The following NDST3 variants were observed in gnomAD, a reference collection of about 807,000 sequenced individuals.
The protein encoded by NDST3 is N-deacetylase and N-sulfotransferase 3.
Under a neutral mutation model 96.1 loss-of-function variants are expected in NDST3, and 58 were observed. That is an observed-to-expected ratio of 0.60 (90% CI 0.49 to 0.75). NDST3 has a LOEUF of 0.75. Ranked by LOEUF, NDST3 falls within the 30% of genes least tolerant of loss-of-function variation. NDST3 has a pLI of 0.00. For missense variants in NDST3, 788 were observed against 1,034.2 expected (o/e 0.76, Z 3.27); for synonymous variants, 333 against 359.7 (o/e 0.93, Z 0.84).
At chr4:118,108,339 CAT>C (rs777116976) in intron 3 of NDST3, among the ~76,000 whole-genome samples, 2 of 152,162 alleles carry the variant, frequency 1.3e-5, no homozygotes, top group Non-Finnish European at 2.9e-5. Context: ...CATTTTATAA[CAT>C]ATATGTGTGT....
rs1313711185 is a variant in NDST3 at position 118,241,910 on chromosome 4, A to G, written c.2290-130A>G. 5 of 597,924 alleles carry G rather than the reference A, an allele frequency of 8.4e-6. No individual in the cohort carries two copies. The Admixed American group carries it at 1.2e-4, about 14-fold the overall frequency. 37.0% of individuals were successfully genotyped at this position (597,924 alleles called of 1,614,324 possible). A position where few individuals can be genotyped will look rare whatever the true frequency, so the allele number is the denominator to read the frequency against. On this transcript the variant is annotated intron_variant, in intron 11 of 13. Coordinates refer to ENST00000296499, the MANE Select transcript of NDST3 (RefSeq NM_004784.3). The stretch of plus-strand genomic sequence containing the variant: ...CATTAATGAGGATGACCTGGATTCT[A>G]TCTAACACCAATGCATGCAATTCTG...
chr4:118,230,769 C>T (rs1437060339), intron 8 of NDST3, among the ~76,000 whole-genome samples: 1 of 151,972 alleles, frequency 6.6e-6, no homozygotes, highest in African/African-American at 2.4e-5. Flanking sequence ...TGTTTTATTC[C>T]CTATAATGAT....
intron 1 of NDST3, among the ~76,000 whole-genome samples, chr4:118,040,570 T>C (rs1724386854): frequency 6.6e-6 from 1 of 152,166 alleles, no homozygotes; most frequent in Non-Finnish European, 1.5e-5. Context: ...TGTACTTTCA[T>C]TGGTCATCTT....
rs142968818 is a variant in NDST3, at chr4:118,148,037, G to A, written c.1539+4353G>A. On this transcript the variant is annotated intron_variant, in intron 6 of 13. Coordinates refer to ENST00000296499, the MANE Select transcript of NDST3 (RefSeq NM_004784.3). Reference sequence around the variant, plus strand: ...CAATGGGCCAGGCGCAGTGGCTCACGCCTGTAATGTCAGCACTTTGGGAGG... The same window carrying A: ...CAATGGGCCAGGCGCAGTGGCTCACACCTGTAATGTCAGCACTTTGGGAGG... 5.1e-3 allele frequency among the ~76,000 whole-genome samples: 774 copies of A among 152,284 alleles called. 8 individuals are homozygous for A. Among genetic ancestry groups the A allele is most frequent in the African/African-American group, 0.018 (739 of 41,562 alleles).
At chr4:118,078,127 T>C (rs1038455942) in intron 2 of NDST3, among the ~76,000 whole-genome samples, 27 of 152,118 alleles carry the variant, frequency 1.8e-4, no homozygotes, top group African/African-American at 6.5e-4. Flanking sequence ...CTCACTTGCC[T>C]TTTCCCATTT....
intron 1 of NDST3, among the ~76,000 whole-genome samples, chr4:118,041,074 T>C (rs1724438591): frequency 6.6e-6 from 1 of 151,606 alleles, no homozygotes; most frequent in South Asian, 2.1e-4. Flanking sequence ...CTCATTAAAA[T>C]CCCCTTAGGA....
At chr4:118,099,981 G>T (rs144999226) in intron 2 of NDST3, among the ~76,000 whole-genome samples, 2 of 152,134 alleles carry the variant, frequency 1.3e-5, no homozygotes, top group Non-Finnish European at 2.9e-5. Flanking sequence ...TAATCTGGAT[G>T]CCAGTGGGTA....
intron 6 of NDST3, among the ~76,000 whole-genome samples, chr4:118,211,410 T>C (rs1738789366): frequency 6.6e-6 from 1 of 151,134 alleles, no homozygotes; most frequent in African/African-American, 2.4e-5. Context: ...CAGATTTTTA[T>C]ACCATGAATA....
intron 4 of NDST3, among the ~76,000 whole-genome samples, chr4:118,117,674 A>C (rs766625687): frequency 2.0e-5 from 3 of 152,216 alleles, no homozygotes; most frequent in Non-Finnish European, 2.9e-5. Context: ...ACTGAGAATC[A>C]GAGAAATGCA....
At chr4:118,198,640 T>C (rs1737856270) in intron 6 of NDST3, among the ~76,000 whole-genome samples, 1 of 152,196 alleles carries the variant, frequency 6.6e-6, no homozygotes, top group Admixed American at 6.5e-5. Flanking sequence ...AGACTATTAC[T>C]AGTGGATTTT....
rs138061943 is a variant in NDST3 at position 118,091,995 on chromosome 4, A to T, written c.982-13023A>T. Among the ~76,000 whole-genome samples the T allele has an allele frequency of 2.5e-3, 376 of 151,612 alleles. 1 individual carries two copies. The highest frequency in any genetic ancestry group is 5.2e-3 in the African/African-American group (217 of 41,444). ...TGTAATGATTATGTTTCCAGCTATG[A>T]GGCATTAAATATTATGTAGTCCAAA... On this transcript the variant is annotated intron_variant, in intron 2 of 13. Transcript: ENST00000296499.
At chr4:118,140,001 T>G (rs1000657104) in intron 5 of NDST3, among the ~76,000 whole-genome samples, 2 of 152,200 alleles carry the variant, frequency 1.3e-5, no homozygotes, top group African/African-American at 4.8e-5. Context: ...GCTGCCTTTA[T>G]CCTGGCCTTC....
At chr4:118,193,525 A>G in intron 6 of NDST3, 1 of 974,752 alleles carries the variant, frequency 1.0e-6, no homozygotes, top group Non-Finnish European at 1.6e-6. Context: ...TCTCTTCCTC[A>G]GCCAGCCTCT....
intron 9 of NDST3, among the ~76,000 whole-genome samples, chr4:118,234,193 C>T (rs1252769121): frequency 6.6e-6 from 1 of 152,088 alleles, no homozygotes; most frequent in Non-Finnish European, 1.5e-5. Flanking sequence ...GGGTGGATCA[C>T]ATGAAGTCAG....
chr4:118,145,436 G>A (rs996446632), intron 6 of NDST3, among the ~76,000 whole-genome samples: 24 of 152,258 alleles, frequency 1.6e-4, no homozygotes, highest in Non-Finnish European at 3.1e-4. Context: ...TAAACCAAAT[G>A]AGTTTCATTT....
At position 118,255,570 on chromosome 4, in the gene NDST3, TTTCTC is replaced by T; in HGVS notation, c.2503-21_2503-17del. 1 of 1,591,630 alleles carries T rather than the reference TTTCTC, an allele frequency of 6.3e-7. No individual in the cohort carries two copies. The highest frequency in any genetic ancestry group is 8.6e-7 in the Non-Finnish European group (1 of 1,168,180). ...TGTAATAAACAAAATAAAATGTACT[TTTCTC>T]TCCTCCTCTCCACTTAGAGCAGGAC... On this transcript the variant is annotated intron_variant, in intron 13 of 13. Coordinates refer to ENST00000296499, the MANE Select transcript of NDST3 (RefSeq NM_004784.3).
At chr4:118,185,605 C>T (rs1035225521) in intron 6 of NDST3, among the ~76,000 whole-genome samples, 4 of 152,032 alleles carry the variant, frequency 2.6e-5, no homozygotes, top group African/African-American at 7.2e-5. Context: ...AGCCAGGGTA[C>T]ATTCAGAGAG....
At chr4:118,228,829 A>G (rs1237814769) in intron 8 of NDST3, among the ~76,000 whole-genome samples, 1 of 152,202 alleles carries the variant, frequency 6.6e-6, no homozygotes, top group Non-Finnish European at 1.5e-5. Flanking sequence ...ACATAAATGG[A>G]AGCATGTATT....
chr4:118,240,068 T>A (rs1295477661), intron 10 of NDST3, among the ~76,000 whole-genome samples: 1 of 151,864 alleles, frequency 6.6e-6, no homozygotes, highest in Non-Finnish European at 1.5e-5. Flanking sequence ...TTAAAAGAGC[T>A]GATAGGCCTT....
Sources: gnomAD v4.1 joint callset for allele counts (sites outside exome capture counted in the v4.1 genomes callset) on GRCh38, gnomAD v4.1.1 for gene constraint, MANE v1.5 for transcripts, NCBI Gene and HGNC (gene_info 2026-07-23, HGNC 2026-07-21) for gene names.